Variants in CDH11 observed in about 807,000 individuals in gnomAD.
CDH11 encodes cadherin-11.
A neutral mutation model predicts 67.8 loss-of-function variants in CDH11; 11 were observed. That is an observed-to-expected ratio of 0.16 (90% CI 0.10 to 0.27). The LOEUF (loss-of-function observed/expected upper bound fraction) is 0.27. Among genes scored for constraint, CDH11 ranks in the 10% least tolerant of loss-of-function variants. CDH11 has a pLI of 1.00. For synonymous variants in CDH11, 419 were observed against 400.0 expected, an observed-to-expected ratio of 1.05 and a Z score of -0.57; for missense variants, 847 against 1,031.2, an observed-to-expected ratio of 0.82 and a Z score of 2.45.
At chr16:64,975,564 G>C (rs530855746) in intron 8 of CDH11, among the ~76,000 whole-genome samples, 1 of 152,162 alleles carries the variant, frequency 6.6e-6, no homozygotes, top group African/African-American at 2.4e-5. Flanking sequence ...GGGCATCTAG[G>C]GGAGGCTGAG....
At chr16:65,119,048 T>A (rs1567590836) in intron 1 of CDH11, 1 of 152,200 alleles carries the variant, frequency 6.6e-6, no homozygotes, top group Admixed American at 6.5e-5. Flanking sequence ...CAGGACATGC[T>A]ATGCTCCTGG....
intron 1 of CDH11, among the ~76,000 whole-genome samples, chr16:65,111,594 G>A (rs1368464209): frequency 1.3e-5 from 2 of 151,954 alleles, no homozygotes; most frequent in Non-Finnish European, 1.5e-5. Context: ...AATAAAAGAA[G>A]TGTGTAGAAG....
chr16:64,990,444 T>C (rs1481970863), intron 6 of CDH11, among the ~76,000 whole-genome samples: 1 of 151,860 alleles, frequency 6.6e-6, no homozygotes, highest in Non-Finnish European at 1.5e-5. Flanking sequence ...ATTTCTCTGA[T>C]AGTAAGCTCA....
chr16:64,988,065 A>G, intron 7 of CDH11, 92 bp downstream of exon 7: 1 of 1,056,862 alleles, frequency 9.5e-7, no homozygotes, highest in South Asian at 1.8e-5. Context: ...GCAAATTCTC[A>G]TTTCTTAACC....
intron 1 of CDH11, among the ~76,000 whole-genome samples, chr16:65,093,870 T>G (rs1318171075): frequency 6.6e-6 from 1 of 152,102 alleles, no homozygotes; most frequent in Non-Finnish European, 1.5e-5. Flanking sequence ...CAAAATTAAT[T>G]AGTGAGAAGT....
In CDH11 at chr16:64,992,908, A is replaced by G; in HGVS notation, c.643+7T>C. The G allele has an allele frequency of 1.2e-6, 2 of 1,613,104 alleles. No homozygotes were observed. The highest frequency in any genetic ancestry group is 1.7e-6 in the Non-Finnish European group (2 of 1,179,352). On this transcript the variant is annotated splice_region_variant and intron_variant, in intron 5 of 12. Transcript: ENST00000268603. ...GTGTCACAAATCACAGTGACATTCC[A>G]CAGTACCTGTCTGTGCTTCCACCGA...
At chr16:64,976,672 T>C (rs1257895820) in intron 8 of CDH11, among the ~76,000 whole-genome samples, 3 of 152,180 alleles carry the variant, frequency 2.0e-5, no homozygotes, top group African/African-American at 4.8e-5. Flanking sequence ...CTGGTTAACA[T>C]GGTGAAACCT....
At chr16:65,001,919 G>T (rs9930720) in intron 3 of CDH11, among the ~76,000 whole-genome samples, 1 of 152,000 alleles carries the variant, frequency 6.6e-6, no homozygotes, top group East Asian at 1.9e-4. Context: ...TCTCTGCATA[G>T]CACAGCATGA....
intron 8 of CDH11, chr16:64,981,097 C>CTTTTTTTTTTTTTTTTTTTTTTTTTTTTT (rs71376752): frequency 8.6e-6 from 1 of 116,468 alleles, no homozygotes; most frequent in African/African-American, 3.8e-5. Context: ...TTCTTTCTTT[C>CTTTTTTTTTTTTTTTTTTTTTTTTTTTTT]TTTTTTTTTT....
rs760935919 is a variant in CDH11 at position 64,982,088 on chromosome 16, C to G, written c.1213G>C (p.Val405Leu). 2 of 1,613,836 alleles carry G rather than the reference C, an allele frequency of 1.2e-6. No individual in the cohort carries two copies. The highest frequency in any genetic ancestry group is 1.1e-5 in the South Asian group (1 of 91,064). The stretch of plus-strand genomic sequence containing the variant: ...GCAGCATCAGGGTCTTTGGCATGCA[C>G]TCTCCCAACCACGGTGCCAGCAGCT... Reference protein sequence around the residue: ...NAAAGTVVGRVHAKDPDAANS... With the variant: ...NAAAGTVVGRLHAKDPDAANS... The change falls in exon 8 of 13, where the codon GTG (valine) becomes CTG (leucine). Residue 405 changes from valine (V) to leucine (L), a missense_variant. Val to Leu is a conservative substitution (Grantham distance 32). Transcript: ENST00000268603.
intron 2 of CDH11, among the ~76,000 whole-genome samples, chr16:65,017,574 C>T (rs565009270): frequency 3.5e-4 from 54 of 152,204 alleles, no homozygotes; most frequent in Non-Finnish European, 5.9e-4. Context: ...ACAATGAGGA[C>T]GACAGCAGTA....
chr16:65,015,931 C>A (rs1034201467), intron 2 of CDH11, among the ~76,000 whole-genome samples: 1 of 152,158 alleles, frequency 6.6e-6, no homozygotes, highest in Admixed American at 6.5e-5. Flanking sequence ...CCATCCTGTG[C>A]CCATAATCCA....
At chr16:64,971,795 G>T in intron 10 of CDH11, 99 bp from the exon 11 acceptor site, 1 of 1,378,376 alleles carries the variant, frequency 7.3e-7, no homozygotes. Context: ...TTTAATTAGA[G>T]AACATAACTT....
intron 1 of CDH11, among the ~76,000 whole-genome samples, chr16:65,066,430 C>T (rs1383610408): frequency 6.6e-6 from 1 of 152,152 alleles, no homozygotes; most frequent in African/African-American, 2.4e-5. Context: ...TCCCTGGATA[C>T]CAAACAGGTA....
rs1215255749 is a variant in CDH11 at position 64,947,258 on chromosome 16, TA to T, written c.*344del. The T allele has an allele frequency of 5.4e-6, 6 of 1,107,642 alleles. No homozygotes were observed. The African/African-American group carries it at 8.1e-5, about 15-fold the overall frequency. The allele number at this position is 1,107,642 out of a possible 1,614,324, so 68.6% of individuals were successfully genotyped here. ...TTTTGTGGAAGCTTCTTTGACAACT[TA>T]AAAAAGAAGAAAGACTTGGATGTTC... On this transcript the variant is annotated 3_prime_UTR_variant, in exon 13 of 13. Transcript: ENST00000268603.
At chr16:64,981,794 T>A (rs1054297706) in intron 8 of CDH11, 14 of 360,522 alleles carry the variant, frequency 3.9e-5, no homozygotes, top group Non-Finnish European at 6.4e-5. Context: ...AGCTCAGGGC[T>A]CCGTCACCTA....
chr16:64,998,486 G>A, intron 4 of CDH11, 76 bp downstream of exon 4: 1 of 1,372,976 alleles, frequency 7.3e-7, no homozygotes, highest in Non-Finnish European at 1.0e-6. Flanking sequence ...TCCTGATTTG[G>A]GAGAACGGGC....
intron 2 of CDH11, among the ~76,000 whole-genome samples, chr16:65,046,851 TA>T (rs1306801043): frequency 2.5e-4 from 38 of 152,316 alleles, no homozygotes; most frequent in African/African-American, 8.2e-4. Context: ...CTCAGGCTTG[TA>T]ATTCCAGCAC....
At chr16:64,992,287 T>C (rs1270667031) in intron 5 of CDH11, among the ~76,000 whole-genome samples, 1 of 152,226 alleles carries the variant, frequency 6.6e-6, no homozygotes, top group African/African-American at 2.4e-5. Context: ...CAATCTTCTG[T>C]AAGTCTATTG....
Sources: gnomAD v4.1 joint callset for allele counts (sites outside exome capture counted in the v4.1 genomes callset) on GRCh38, gnomAD v4.1.1 for gene constraint, MANE v1.5 for transcripts, NCBI Gene and HGNC (gene_info 2026-07-23, HGNC 2026-07-21) for gene names.